Variants in ALPK3 observed in about 807,000 individuals in gnomAD.
ALPK3 encodes the protein alpha kinase 3, also known as alpha-protein kinase 3.
ALPK3 carries 102 observed loss-of-function variants against 140.0 expected under a neutral mutation model. That is an observed-to-expected ratio of 0.73 (90% CI 0.62 to 0.86). ALPK3 has a LOEUF of 0.86. Ranked by LOEUF, ALPK3 falls within the 40% of genes least tolerant of loss-of-function variation. The pLI is 0.00. For missense variants in ALPK3, 2,254 were observed against 2,208.2 expected, an observed-to-expected ratio of 1.02 and a Z score of -0.42; for synonymous variants, 938 against 898.5, an observed-to-expected ratio of 1.04 and a Z score of -0.79.
chr15:84,856,940 A>G lies in ALPK3; in HGVS notation c.2202A>G (p.Pro734=). ...AAGAGGTGGCAACCAGCCTCGGCCC[A>G]CCATCCAGAACCCCCAAACTCCCAC... ...SEQEVATSLG[P]PSRTPKLPPT... Residue 734 remains proline (P), a synonymous_variant, in exon 6 of 14, where the codon CCA becomes CCG. Coordinates refer to ENST00000258888, the MANE Select transcript of ALPK3 (RefSeq NM_020778.5). The G allele has an allele frequency of 2.5e-6, 4 of 1,614,066 alleles. No homozygotes were observed. The highest frequency in any genetic ancestry group is 2.5e-6 in the Non-Finnish European group (3 of 1,179,986).
In ALPK3 at chr15:84,839,082, C is replaced by T. The variant is rs56015306; in HGVS notation, c.407C>T (p.Thr136Ile). ...YEITHQGNRHTLQLYRCREED... is the reference protein window; with the variant it reads ...YEITHQGNRHILQLYRCREED... ...ATCACTCATCAGGGCAACCGCCACA[C>T]ACTGCAGCTGTACAGGTGAGGGAGA... Residue 136 changes from threonine to isoleucine, a missense_variant, in exon 4 of 14, where the codon ACA becomes ATA. Physicochemically the swap from Thr to Ile is moderately conservative, Grantham distance 89 (BLOSUM62 -1). Transcript: ENST00000258888. 2.1e-4 allele frequency: 343 copies of T among 1,609,024 alleles called. No individual in the cohort carries two copies. The East Asian group carries it at 7.2e-3, about 34-fold the overall frequency.
In ALPK3 at chr15:84,858,656, C is replaced by A. The variant is rs976859324; in HGVS notation, c.3817+101C>A. ...CACTACCCCATGACAGATAGCATATCCCTCCTCGGGATTCATAAATTACCT... is the reference window on the plus strand; with the variant it reads ...CACTACCCCATGACAGATAGCATATACCTCCTCGGGATTCATAAATTACCT... On this transcript the variant is annotated intron_variant, in intron 6 of 13. Transcript: ENST00000258888. 8.4e-6 allele frequency: 12 copies of A among 1,430,840 alleles called. No individual in the cohort carries two copies. The African/African-American group carries it at 8.5e-5, about 10-fold the overall frequency. The allele number at this position is 1,430,840 out of a possible 1,614,324, so 88.6% of individuals were successfully genotyped here.
chr15:84,829,526 C>G (rs1449230051), intron 3 of ALPK3, among the ~76,000 whole-genome samples: 1 of 152,156 alleles, frequency 6.6e-6, no homozygotes, highest in African/African-American at 2.4e-5. Flanking sequence ...CCTAGGGCGA[C>G]TCCGTTTCTG....
Position 84,858,230 on chromosome 15 carries a change from G to A in ALPK3, c.3492G>A (p.Arg1164=). The change falls in exon 6 of 14, where the codon CGG becomes CGA. Residue 1164 remains arginine (R), a synonymous_variant. Transcript: ENST00000258888. Reference sequence around the variant, plus strand: ...CTGAGGAACTGGCTCTAGGGGCCCGGAGGAAGAGATTTCTCCCTAAGGTCA... The same window carrying A: ...CTGAGGAACTGGCTCTAGGGGCCCGAAGGAAGAGATTTCTCCCTAAGGTCA... ...ATPEELALGA[R]RKRFLPKVRA... is the part of the protein sequence containing the mutation. 1.2e-6 allele frequency: 2 copies of A among 1,610,730 alleles called. No homozygotes were observed. Among genetic ancestry groups the A allele is most frequent in the Non-Finnish European group, 1.7e-6 (2 of 1,178,516 alleles).
At chr15:84,845,645 T>C (rs977020936) in intron 5 of ALPK3, among the ~76,000 whole-genome samples, 2 of 152,176 alleles carry the variant, frequency 1.3e-5, no homozygotes, top group African/African-American at 4.8e-5. Flanking sequence ...GAAGAGCATA[T>C]AAAAAACTTT....
rs376587216 is a variant in ALPK3 at position 84,857,338 on chromosome 15, T to A, written c.2600T>A (p.Met867Lys). The A allele has an allele frequency of 5.6e-6, 9 of 1,614,158 alleles. No homozygotes were observed. Among genetic ancestry groups the A allele is most frequent in the Non-Finnish European group, 7.6e-6 (9 of 1,180,020 alleles). ...GGCCTGAGCCAGGAGGTACCCACGA[T>A]GCCTTCTCTTCCTGGAACTGGGCTG... is the stretch of plus-strand genomic sequence containing the variant. ...LAGLSQEVPT[M>K]PSLPGTGLTA... is the part of the protein sequence containing the mutation. Residue 867 changes from methionine (M) to lysine (K), a missense_variant, in exon 6 of 14, where the codon ATG becomes AAG. By Grantham distance (95) the Met-to-Lys change is moderately conservative. Around this residue, in one of 3 missense-constraint regions of ALPK3, gnomAD observed 2,088 missense variants for 2,022.9 expected, o/e 1.03. Transcript: ENST00000258888.
In ALPK3 at chr15:84,839,953, G is replaced by A. The variant is rs761722907; in HGVS notation, c.674G>A (p.Arg225Gln). 2 of 1,613,376 alleles carry A rather than the reference G, an allele frequency of 1.2e-6. No individual in the cohort carries two copies. The highest frequency in any genetic ancestry group is 1.7e-6 in the Non-Finnish European group (2 of 1,179,706). The change falls in exon 5 of 14, where the codon CGG becomes CAG. Residue 225 changes from arginine (R) to glutamine (Q), a missense_variant. This residue lies in a region of ALPK3 where 2,088 missense variants were observed against 2,022.9 expected (regional missense o/e 1.03). Transcript: ENST00000258888. ...AGCCCCGACCGCTTCCAGCGAAAGC[G>A]GCGATTGAGCGGGGCTCAAGCGCCG... ...KLSPDRFQRK[R>Q]RLSGAQAPGP...
intron 2 of ALPK3, 79 bp downstream of exon 2, chr15:84,823,447 C>G: frequency 6.7e-7 from 1 of 1,501,698 alleles, no homozygotes; most frequent in Non-Finnish European, 9.3e-7. Context: ...AGTGTCTGCT[C>G]GTGCACTAAC....
rs1171144855 is a variant in ALPK3 at position 84,818,714 on chromosome 15, C to T, written c.143+1119C>T. Among the ~76,000 whole-genome samples the T allele has an allele frequency of 3.9e-5, 6 of 152,300 alleles. No homozygotes were observed. The Middle Eastern group carries it at 0.017, about 432-fold the overall frequency. On this transcript the variant is annotated intron_variant, in intron 1 of 13. Coordinates refer to ENST00000258888, the MANE Select transcript of ALPK3 (RefSeq NM_020778.5). The stretch of plus-strand genomic sequence containing the variant: ...GGAGTTGGGAAAGTTCAAATGTAAC[C>T]GGAACCGGTTTCTGCATAAAACTCG...
At chr15:84,852,507 TC>T in intron 5 of ALPK3, 2 of 264,004 alleles carry the variant, frequency 7.6e-6, no homozygotes, top group South Asian at 4.5e-5. Flanking sequence ...GTCTTATATC[TC>T]CCCAGGAAAA....
intron 1 of ALPK3, among the ~76,000 whole-genome samples, chr15:84,822,662 C>T (rs1484096146): frequency 6.6e-6 from 1 of 152,156 alleles, no homozygotes; most frequent in East Asian, 1.9e-4. Flanking sequence ...GGGTCCTCAT[C>T]CTAGTGCCCT....
intron 5 of ALPK3, among the ~76,000 whole-genome samples, chr15:84,841,354 T>C (rs1281915687): frequency 6.6e-6 from 1 of 152,198 alleles, no homozygotes; most frequent in Non-Finnish European, 1.5e-5. Context: ...CATTCGATTT[T>C]TAACAAAGCT....
rs974465232 is a variant in ALPK3 at position 84,871,922 on chromosome 15, G to C, written c.*3466G>C. ...TGGATATTGATGGCAGGAGAGGCATGATGGGTTAGAAAAGCAAATCCAAAT... is the reference window on the plus strand; with the variant it reads ...TGGATATTGATGGCAGGAGAGGCATCATGGGTTAGAAAAGCAAATCCAAAT... On this transcript the variant is annotated 3_prime_UTR_variant, in exon 14 of 14. Transcript: ENST00000258888. 1 of 152,292 alleles carries C rather than the reference G, an allele frequency of 6.6e-6. No individual in the cohort carries two copies. The highest frequency in any genetic ancestry group is 1.5e-5 in the Non-Finnish European group (1 of 68,084). The allele number at this position is 152,292 out of a possible 1,614,324, so 9.4% of individuals were successfully genotyped here.
rs758656500 is a variant in ALPK3, at chr15:84,857,264, G to A, written c.2526G>A (p.Glu842=). Reference sequence around the variant, plus strand: ...GCCCGTTCCAGTGCCCCAAGGAGGAGCGGCCAGGGGGAGTGCCGTGTATGG... The same window carrying A: ...GCCCGTTCCAGTGCCCCAAGGAGGAACGGCCAGGGGGAGTGCCGTGTATGG... The part of the protein sequence containing the change: ...EDSPFQCPKE[E]RPGGVPCMDQ... Residue 842 remains glutamate (E), a synonymous_variant, in exon 6 of 14, where the codon GAG becomes GAA. Transcript: ENST00000258888. 4.3e-6 allele frequency: 7 copies of A among 1,614,104 alleles called. No homozygotes were observed. Among genetic ancestry groups the A allele is most frequent in the East Asian group, 2.2e-5 (1 of 44,874 alleles).
chr15:84,823,356 C>G lies in ALPK3; in HGVS notation c.170C>G (p.Pro57Arg). 6.2e-7 allele frequency: 1 copy of G among 1,614,174 alleles called. No individual in the cohort carries two copies. Among genetic ancestry groups the G allele is most frequent in the Non-Finnish European group, 8.5e-7 (1 of 1,180,040 alleles). The change falls in exon 2 of 14, where the codon CCC becomes CGC. Residue 57 changes from proline (P) to arginine (R), a missense_variant. Physicochemically the swap from Pro to Arg is moderately radical, Grantham distance 103 (BLOSUM62 -2). Transcript: ENST00000258888. ...TSLSSNRLSH[P>R]SSGRSTFCSI... ...TTATCAAGCAACCGGTTGTCTCACC[C>G]CAGCTCTGGAAGGTAAATGCATATT... is the stretch of plus-strand genomic sequence containing the variant.
intron 7 of ALPK3, 135 bp from the exon 8 acceptor site, chr15:84,859,641 C>G (rs1466900378): frequency 7.2e-7 from 1 of 1,387,104 alleles, no homozygotes; most frequent in Non-Finnish European, 9.5e-7. Context: ...GCTCTTGGCC[C>G]TGGAATCGCG....
intron 5 of ALPK3, among the ~76,000 whole-genome samples, chr15:84,850,880 ACAC>A (rs1963795289): frequency 2.7e-5 from 1 of 37,608 alleles, no homozygotes; most frequent in Non-Finnish European, 7.2e-5. Context: ...TTCCAGATAT[ACAC>A]ACACACACAC....
At chr15:84,836,162 C>T (rs938568394) in intron 3 of ALPK3, among the ~76,000 whole-genome samples, 6 of 152,190 alleles carry the variant, frequency 3.9e-5, no homozygotes, top group Non-Finnish European at 5.9e-5. Flanking sequence ...GCCTGGTGCT[C>T]CTGTGGTGTG....
At chr15:84,848,748 G>A (rs1277977294) in intron 5 of ALPK3, among the ~76,000 whole-genome samples, 1 of 152,168 alleles carries the variant, frequency 6.6e-6, no homozygotes, top group Non-Finnish European at 1.5e-5. Flanking sequence ...ATATAGGTCA[G>A]TTACAAGTAA....
Sources: allele counts gnomAD v4.1 joint callset (sites outside exome capture counted in the v4.1 genomes callset), GRCh38; gene constraint gnomAD v4.1.1; regional missense constraint gnomAD v4.1.1; transcripts MANE v1.5; gene names NCBI Gene and HGNC (gene_info 2026-07-23, HGNC 2026-07-21).